MED13L: variants seen among roughly 807,000 people sequenced by gnomAD.
MED13L encodes the protein mediator of RNA polymerase II transcription subunit 13-like.
MED13L carries 7 observed loss-of-function variants against 220.9 expected under a neutral mutation model. The observed-to-expected ratio is 0.03, with a 90% confidence interval of 0.02 to 0.06. MED13L has a LOEUF of 0.06. Ranked by LOEUF, MED13L falls within the 10% of genes least tolerant of loss-of-function variation. The probability of loss-of-function intolerance (pLI) is 1.00; values close to 1 mark genes in which losing one functional copy is unlikely to be tolerated. For missense variants in MED13L, 1,965 were observed against 2,760.5 expected, an observed-to-expected ratio of 0.71 and a Z score of 6.46; for synonymous variants, 1,011 against 1,015.2, an observed-to-expected ratio of 1.00 and a Z score of 0.08.
intron 29 of MED13L, among the ~76,000 whole-genome samples, chr12:115,965,866 C>A (rs1005468046): frequency 6.6e-6 from 1 of 152,140 alleles, no homozygotes; most frequent in Admixed American, 6.5e-5. Context: ...CCTTGGGCTA[C>A]AGTGATTCAT....
At position 116,251,647 on chromosome 12, in the gene MED13L, G is replaced by C. The variant is rs1439348095; in HGVS notation, c.73-13942C>G. Reference sequence around the variant, plus strand: ...ATGGTGGCAGGCGCCCATAGTCCCAGCTACTCGGGAGGCTGAGGCAGGAGA... The same window carrying C: ...ATGGTGGCAGGCGCCCATAGTCCCACCTACTCGGGAGGCTGAGGCAGGAGA... On this transcript the variant is annotated intron_variant, in intron 1 of 30. Transcript: ENST00000281928. Among the ~76,000 whole-genome samples, 3 of 151,204 alleles carry C rather than the reference G, an allele frequency of 2.0e-5. No homozygotes were observed. The East Asian group carries it at 5.9e-4, about 30-fold the overall frequency.
chr12:116,171,321 T>C (rs920925035), intron 2 of MED13L, among the ~76,000 whole-genome samples: 3 of 152,218 alleles, frequency 2.0e-5, no homozygotes, highest in African/African-American at 7.2e-5. Flanking sequence ...GCTGCAAAGA[T>C]AGGGGCTCCC....
At chr12:116,180,066 CAATT>C (rs1293428612) in intron 2 of MED13L, among the ~76,000 whole-genome samples, 1 of 152,120 alleles carries the variant, frequency 6.6e-6, no homozygotes, top group Non-Finnish European at 1.5e-5. Context: ...AAAATTGTTG[CAATT>C]AATTAAGCTA....
At chr12:116,237,018 T>C (rs1870143862) in intron 2 of MED13L, 5 of 316,574 alleles carry the variant, frequency 1.6e-5, no homozygotes, top group Non-Finnish European at 2.3e-5. Context: ...CACAATTTTG[T>C]CCAATTAGGC....
intron 4 of MED13L, among the ~76,000 whole-genome samples, chr12:116,072,274 C>T (rs2072301548): frequency 6.6e-6 from 1 of 152,094 alleles, no homozygotes; most frequent in Admixed American, 6.6e-5. Flanking sequence ...TGGGAAAGGT[C>T]CTTTAAAATG....
intron 4 of MED13L, among the ~76,000 whole-genome samples, chr12:116,042,920 C>T (rs964120315): frequency 6.6e-6 from 1 of 152,168 alleles, no homozygotes; most frequent in Non-Finnish European, 1.5e-5. Context: ...GCTGAAGTCT[C>T]AGTTCAATTC....
chr12:116,133,806 C>A (rs1037626747), intron 2 of MED13L, among the ~76,000 whole-genome samples: 3 of 152,196 alleles, frequency 2.0e-5, no homozygotes, highest in Non-Finnish European at 2.9e-5. Context: ...TCAGGAAGAT[C>A]ACTTTTGGAG....
intron 2 of MED13L, among the ~76,000 whole-genome samples, chr12:116,133,444 AGGCTGGTACTGTAACTCTT>A (rs1455334400): frequency 6.6e-6 from 1 of 152,160 alleles, no homozygotes. Context: ...ACGGTAGACC[AGGCTGGTACTGTAACTCTT>A]GGTTCTGCTC....
Position 116,195,422 on chromosome 12 carries a change from A to C in MED13L, c.310+42046T>G, listed in dbSNP as rs563886850. Among the ~76,000 whole-genome samples, 9 of 152,326 alleles carry C rather than the reference A, an allele frequency of 5.9e-5. 1 individual carries two copies. In the South Asian group the frequency reaches 1.7e-3, roughly 28 times the overall value. ...GAAATACAAAATCCCTTCAAACAAA[A>C]TAGAAACAGAAAAGCCTGAAAATAG... On this transcript the variant is annotated intron_variant, in intron 2 of 30. Transcript: ENST00000281928.
intron 25 of MED13L, among the ~76,000 whole-genome samples, chr12:115,974,729 T>C (rs1392762300): frequency 6.6e-6 from 1 of 152,202 alleles, no homozygotes; most frequent in Non-Finnish European, 1.5e-5. Context: ...CAGGATTTCT[T>C]TGCTGTTGTG....
In MED13L at chr12:116,007,652, A is replaced by AAAG; in HGVS notation, c.2013-17_2013-16insCTT. 1.3e-6 allele frequency: 2 copies of AAAG among 1,576,680 alleles called. No homozygotes were observed. The highest frequency in any genetic ancestry group is 1.7e-6 in the Non-Finnish European group (2 of 1,161,064). Reference sequence around the variant, plus strand: ...TGCTAAGAGTCTAAAAGACAAAAAAAAAAAAAAAAAAAAGAGCATTTATGC... The same window carrying AAAG: ...TGCTAAGAGTCTAAAAGACAAAAAAAAAGAAAAAAAAAAAAAGAGCATTTATGC... On this transcript the variant is annotated splice_polypyrimidine_tract_variant and intron_variant, in intron 10 of 30. Coordinates refer to ENST00000281928, the MANE Select transcript of MED13L (RefSeq NM_015335.5).
intron 3 of MED13L, among the ~76,000 whole-genome samples, chr12:116,105,911 G>T (rs1170838616): frequency 6.6e-6 from 1 of 152,180 alleles, no homozygotes; most frequent in African/African-American, 2.4e-5. Flanking sequence ...CTTGGCCAAT[G>T]AAATGTGAGC....
chr12:116,035,969 C>T (rs1489510482), intron 4 of MED13L, among the ~76,000 whole-genome samples: 1 of 152,134 alleles, frequency 6.6e-6, no homozygotes, highest in Admixed American at 6.5e-5. Context: ...CCAATGCCTC[C>T]ATTGCCCAAT....
At chr12:115,972,447 T>A (rs867421552) in intron 25 of MED13L, 1 of 585,436 alleles carries the variant, frequency 1.7e-6, no homozygotes, top group Non-Finnish European at 3.0e-6. Context: ...CCTACTATTC[T>A]GTGGCTGAAG....
At chr12:116,193,659 G>A (rs1881430430) in intron 2 of MED13L, among the ~76,000 whole-genome samples, 1 of 149,160 alleles carries the variant, frequency 6.7e-6, no homozygotes. Context: ...CGCTATTTTT[G>A]TTTAAAAAAA....
At chr12:115,962,052 A>G (rs1875800148) in intron 30 of MED13L, among the ~76,000 whole-genome samples, 1 of 152,242 alleles carries the variant, frequency 6.6e-6, no homozygotes, top group Admixed American at 6.5e-5. Context: ...TTGAAATAAC[A>G]TTTTGAGTAT....
intron 4 of MED13L, among the ~76,000 whole-genome samples, chr12:116,023,644 T>C (rs1880196132): frequency 6.6e-6 from 1 of 152,174 alleles, no homozygotes; most frequent in Non-Finnish European, 1.5e-5. Context: ...TAGTGACACA[T>C]ATATATTCTC....
chr12:116,187,678 G>A (rs142867115), intron 2 of MED13L, among the ~76,000 whole-genome samples: 332 of 152,246 alleles, frequency 2.2e-3, no homozygotes, highest in African/African-American at 7.7e-3. Context: ...CATAGGGGAT[G>A]TATAGAAGTG....
intron 2 of MED13L, among the ~76,000 whole-genome samples, chr12:116,222,420 C>T (rs1239919629): frequency 1.3e-5 from 2 of 152,204 alleles, no homozygotes; most frequent in African/African-American, 2.4e-5. Context: ...TCTTCCCGGC[C>T]TCTGTTCCAT....
Sources: allele counts gnomAD v4.1 joint callset (sites outside exome capture counted in the v4.1 genomes callset), GRCh38; gene constraint gnomAD v4.1.1; transcripts MANE v1.5; gene names NCBI Gene and HGNC (gene_info 2026-07-23, HGNC 2026-07-21).